The following UBAP2 variants were observed in gnomAD, a reference collection of about 807,000 sequenced individuals.
The protein encoded by UBAP2 is ubiquitin-associated protein 2.
UBAP2 carries 75 observed loss-of-function variants against 139.6 expected under a neutral mutation model. The ratio of observed to expected loss-of-function variants is 0.54; its 90% CI spans 0.45 to 0.65. The LOEUF is 0.65. Ranked by LOEUF, UBAP2 falls within the 30% of genes least tolerant of loss-of-function variation. UBAP2 has a pLI of 0.00. For synonymous variants in UBAP2, 526 were observed against 526.2 expected (o/e 1.00, Z 0.01); for missense variants, 1,368 against 1,369.6 (o/e 1.00, Z 0.02).
intron 1 of UBAP2, among the ~76,000 whole-genome samples, chr9:34,046,722 T>C (rs1054531907): frequency 1.3e-5 from 2 of 151,684 alleles, no homozygotes; most frequent in African/African-American, 2.4e-5. Flanking sequence ...GTTTGTACTT[T>C]CTACACATAT....
intron 5 of UBAP2, among the ~76,000 whole-genome samples, chr9:33,988,026 G>A (rs1821362561): frequency 6.6e-6 from 1 of 152,128 alleles, no homozygotes. Flanking sequence ...TCTTTCAGAG[G>A]CTGACTCACA....
At chr9:33,926,724 G>A in intron 21 of UBAP2, 60 bp from the exon 22 acceptor site, 1 of 1,582,262 alleles carries the variant, frequency 6.3e-7, no homozygotes, top group Middle Eastern at 1.7e-4. Context: ...GGAAGCCCAG[G>A]TCCATCTAGG....
chr9:33,996,705 G>A (rs1822233816), intron 3 of UBAP2: 2 of 174,820 alleles, frequency 1.1e-5, no homozygotes, highest in Non-Finnish European at 2.4e-5. Flanking sequence ...AACTATATGA[G>A]TACACGGTCA....
At chr9:33,929,127 T>A (rs1056202428) in intron 19 of UBAP2, among the ~76,000 whole-genome samples, 2 of 152,208 alleles carry the variant, frequency 1.3e-5, no homozygotes, top group Non-Finnish European at 2.9e-5. Context: ...CCAACTAGGT[T>A]CTCACTAAGG....
intron 7 of UBAP2, among the ~76,000 whole-genome samples, chr9:33,972,253 T>C (rs1344170307): frequency 6.6e-6 from 1 of 152,224 alleles, no homozygotes; most frequent in Non-Finnish European, 1.5e-5. Flanking sequence ...GAACACCCAG[T>C]TTAATCGAAT....
intron 16 of UBAP2, among the ~76,000 whole-genome samples, chr9:33,939,873 A>G (rs1288549716): frequency 0.014 from 4 of 296 alleles, no homozygotes; most frequent in Non-Finnish European, 0.021. Context: ...GAGGAGGAGG[A>G]GGGGAGGAGG....
intron 1 of UBAP2, among the ~76,000 whole-genome samples, chr9:34,023,393 C>T (rs1184628306): frequency 6.6e-6 from 1 of 152,092 alleles, no homozygotes; most frequent in East Asian, 1.9e-4. Flanking sequence ...ATCTTTATAG[C>T]CTCACTACTA....
At chr9:33,984,225 T>C (rs1404316013) in intron 6 of UBAP2, among the ~76,000 whole-genome samples, 1 of 152,122 alleles carries the variant, frequency 6.6e-6, no homozygotes, top group Non-Finnish European at 1.5e-5. Context: ...GATTTAAAAA[T>C]ATGGTCTCCA....
intron 16 of UBAP2, among the ~76,000 whole-genome samples, chr9:33,940,283 T>A (rs1314461776): frequency 6.6e-6 from 1 of 151,856 alleles, no homozygotes; most frequent in African/African-American, 2.4e-5. Flanking sequence ...ATGCTGCAAA[T>A]GTGTGTGTGA....
At chr9:33,996,596 C>A (rs1023795065) in intron 3 of UBAP2, 4 of 366,594 alleles carry the variant, frequency 1.1e-5, no homozygotes, top group Non-Finnish European at 2.0e-5. Flanking sequence ...CAGCAGCACA[C>A]ACATACGTAC....
At chr9:33,996,861 T>A (rs368379430) in intron 3 of UBAP2, 1 of 153,174 alleles carries the variant, frequency 6.5e-6, no homozygotes, top group Non-Finnish European at 1.5e-5. Context: ...GACGAGAGGA[T>A]TGCTTGAGCC....
chr9:33,997,800 T>TC (rs1343444654), intron 3 of UBAP2: 12 of 152,174 alleles, frequency 7.9e-5, no homozygotes, highest in African/African-American at 2.9e-4. Flanking sequence ...CAGAAGTATA[T>TC]CTCAAACTGT....
intron 1 of UBAP2, among the ~76,000 whole-genome samples, chr9:34,029,526 C>CAAA (rs147026685): frequency 7.6e-6 from 1 of 131,628 alleles, no homozygotes; most frequent in Admixed American, 7.8e-5. Flanking sequence ...CAAAACTTCT[C>CAAA]AAAAAAAAAA....
intron 1 of UBAP2, among the ~76,000 whole-genome samples, chr9:34,047,362 C>G (rs1827696547): frequency 6.6e-6 from 1 of 152,184 alleles, no homozygotes; most frequent in African/African-American, 2.4e-5. Flanking sequence ...AGCGAAGGGG[C>G]TCCACAGGTG....
intron 1 of UBAP2, among the ~76,000 whole-genome samples, chr9:34,044,235 A>G (rs745374345): frequency 2.4e-4 from 37 of 151,830 alleles, no homozygotes; most frequent in Non-Finnish European, 3.8e-4. Flanking sequence ...CCTTGTCTCT[A>G]CTAAAAATAC....
At chr9:34,020,375 C>T (rs1018225568) in intron 1 of UBAP2, among the ~76,000 whole-genome samples, 20 of 151,432 alleles carry the variant, frequency 1.3e-4, no homozygotes, top group African/African-American at 4.9e-4. Context: ...GGCTGGAGTG[C>T]AACGAATAGT....
At chr9:34,046,200 G>C (rs1827561903) in intron 1 of UBAP2, among the ~76,000 whole-genome samples, 1 of 151,688 alleles carries the variant, frequency 6.6e-6, no homozygotes, top group Non-Finnish European at 1.5e-5. Context: ...TGCTTCTTTA[G>C]AGCAGGCATT....
At chr9:33,958,417 C>CA (rs1826745380) in intron 10 of UBAP2, among the ~76,000 whole-genome samples, 1 of 149,364 alleles carries the variant, frequency 6.7e-6, no homozygotes, top group Non-Finnish European at 1.5e-5. Context: ...TCCCCACCCC[C>CA]TTTTTTTTTT....
intron 8 of UBAP2, among the ~76,000 whole-genome samples, chr9:33,967,896 T>C (rs1222427357): frequency 2.0e-5 from 3 of 152,242 alleles, no homozygotes; most frequent in Non-Finnish European, 4.4e-5. Context: ...ACTTGTCTCT[T>C]TGATACCAAG....
Sources: allele counts gnomAD v4.1 joint callset (sites outside exome capture counted in the v4.1 genomes callset), GRCh38; gene constraint gnomAD v4.1.1; transcripts MANE v1.5; gene names NCBI Gene and HGNC (gene_info 2026-07-23, HGNC 2026-07-21).